KCNIP1: variants seen among roughly 807,000 people sequenced by gnomAD.
KCNIP1 encodes the protein potassium voltage-gated channel interacting protein 1.
In KCNIP1, 18 loss-of-function variants were observed where a neutral mutation model predicts 33.0. That is an observed-to-expected ratio of 0.55 (90% confidence interval 0.38 to 0.81). The LOEUF is 0.81. Ranked by LOEUF, KCNIP1 falls within the 30% of genes least tolerant of loss-of-function variation. The pLI, the probability that KCNIP1 is intolerant of heterozygous loss-of-function variation, is 0.00. For synonymous variants in KCNIP1, 93 were observed against 98.3 expected, an observed-to-expected ratio of 0.95 and a Z score of 0.32; for missense variants, 238 against 271.6, an observed-to-expected ratio of 0.88 and a Z score of 0.87.
chr5:170,550,599 GATGATGGTGATGACA>G (rs1362395402), intron 1 of KCNIP1, among the ~76,000 whole-genome samples: 2 of 151,990 alleles, frequency 1.3e-5, no homozygotes, highest in Non-Finnish European at 2.9e-5. Flanking sequence ...CAATGATGAT[GATGATGGTGATGACA>G]ATGATGGTGA....
intron 1 of KCNIP1, among the ~76,000 whole-genome samples, chr5:170,471,489 T>G (rs948715897): frequency 1.2e-4 from 18 of 152,228 alleles, no homozygotes; most frequent in African/African-American, 4.1e-4. Context: ...CTGATCCATC[T>G]CCCTTTTCAC....
chr5:170,637,084 G>T (rs1207656009), intron 1 of KCNIP1, among the ~76,000 whole-genome samples: 1 of 152,126 alleles, frequency 6.6e-6, no homozygotes, highest in Non-Finnish European at 1.5e-5. Context: ...CAGCCAATCA[G>T]CAGCCTTCCA....
chr5:170,589,403 G>T (rs1758122364), intron 1 of KCNIP1, among the ~76,000 whole-genome samples: 1 of 152,158 alleles, frequency 6.6e-6, no homozygotes, highest in Admixed American at 6.5e-5. Context: ...CAGAGTCTAT[G>T]TTAAATTAAT....
chr5:170,605,684 G>A (rs1053560133), intron 1 of KCNIP1, among the ~76,000 whole-genome samples: 2 of 151,942 alleles, frequency 1.3e-5, no homozygotes, highest in African/African-American at 4.8e-5. Context: ...TGCAATATGT[G>A]GCCTTTTGTG....
chr5:170,695,176 C>A (rs1383167861), intron 1 of KCNIP1, among the ~76,000 whole-genome samples: 1 of 152,164 alleles, frequency 6.6e-6, no homozygotes, highest in Non-Finnish European at 1.5e-5. Context: ...CCCCGGCCAC[C>A]CAACATCAGC....
chr5:170,563,025 C>T (rs987153073), intron 1 of KCNIP1, among the ~76,000 whole-genome samples: 3 of 152,156 alleles, frequency 2.0e-5, no homozygotes, highest in Non-Finnish European at 1.5e-5. Flanking sequence ...CTCACCTCCA[C>T]CCACACACAG....
At chr5:170,356,598 T>C (rs540176837) in intron 1 of KCNIP1, among the ~76,000 whole-genome samples, 6 of 152,352 alleles carry the variant, frequency 3.9e-5, no homozygotes, top group African/African-American at 1.4e-4. Context: ...CTGATCATAA[T>C]TTGTGGTCTG....
At position 170,687,752 on chromosome 5, in the gene KCNIP1, C is replaced by T. The variant is rs187424045; in HGVS notation, c.62-31006C>T. Among the ~76,000 whole-genome samples, 53 of 152,304 alleles carry T rather than the reference C, an allele frequency of 3.5e-4. 1 individual carries two copies. In the East Asian group the frequency reaches 0.01, roughly 29 times the overall value. ...AACACTGTCTTTTGCAAACTGTTAC[C>T]TTAGGAAATAGATTTTATCTCCTTA... On this transcript the variant is annotated intron_variant, in intron 1 of 7. Transcript: ENST00000328939.
At chr5:170,480,307 G>C (rs1037414128) in intron 1 of KCNIP1, among the ~76,000 whole-genome samples, 1 of 152,184 alleles carries the variant, frequency 6.6e-6, no homozygotes, top group African/African-American at 2.4e-5. Context: ...AGGCCAGCCA[G>C]CTCTGGGGTT....
intron 1 of KCNIP1, among the ~76,000 whole-genome samples, chr5:170,582,082 C>A (rs1055395344): frequency 6.6e-6 from 1 of 152,190 alleles, no homozygotes; most frequent in Non-Finnish European, 1.5e-5. Flanking sequence ...CCCTGTGACC[C>A]AAACACCTCC....
At chr5:170,390,509 AAAAAACAAATAT>A (rs60933286) in intron 1 of KCNIP1, among the ~76,000 whole-genome samples, 5,813 of 60,704 alleles carry the variant, frequency 0.096, 600 homozygotes, top group East Asian at 0.32. Context: ...TCTCAAAAAA[AAAAAACAAATAT>A]ATATATATAT....
chr5:170,435,637 G>A (rs1755845400), intron 1 of KCNIP1, among the ~76,000 whole-genome samples: 1 of 152,180 alleles, frequency 6.6e-6, no homozygotes, highest in African/African-American at 2.4e-5. Flanking sequence ...GCTTATTCCT[G>A]CCTTGTTATG....
intron 1 of KCNIP1, among the ~76,000 whole-genome samples, chr5:170,593,819 G>T (rs759188333): frequency 2.0e-5 from 3 of 152,132 alleles, no homozygotes; most frequent in Non-Finnish European, 2.9e-5. Flanking sequence ...TCAGGAAGGG[G>T]CTGGAGTTTG....
At chr5:170,597,343 T>C (rs912917543) in intron 1 of KCNIP1, among the ~76,000 whole-genome samples, 1 of 152,152 alleles carries the variant, frequency 6.6e-6, no homozygotes, top group African/African-American at 2.4e-5. Context: ...TATCAGGCCT[T>C]GTTGCAGGCT....
chr5:170,361,080 C>G (rs1763500428), intron 1 of KCNIP1, among the ~76,000 whole-genome samples: 1 of 152,254 alleles, frequency 6.6e-6, no homozygotes, highest in African/African-American at 2.4e-5. Flanking sequence ...CGCTCTCATG[C>G]TCTGCTGGGG....
At chr5:170,420,379 T>C (rs531209291) in intron 1 of KCNIP1, 10 of 152,222 alleles carry the variant, frequency 6.6e-5, no homozygotes, top group Admixed American at 5.9e-4. Context: ...CATTTTCTTT[T>C]CTCTAGCCTC....
At chr5:170,707,291 GC>G (rs905126248) in intron 1 of KCNIP1, among the ~76,000 whole-genome samples, 62 of 152,276 alleles carry the variant, frequency 4.1e-4, no homozygotes, top group African/African-American at 1.4e-3. Context: ...TTGCAGCCTG[GC>G]CATGGGCTTA....
intron 1 of KCNIP1, among the ~76,000 whole-genome samples, chr5:170,585,780 G>A (rs983762739): frequency 1.3e-5 from 2 of 152,208 alleles, no homozygotes; most frequent in African/African-American, 2.4e-5. Flanking sequence ...GCACATGACA[G>A]ATGTTCACAT....
intron 1 of KCNIP1, among the ~76,000 whole-genome samples, chr5:170,580,483 G>T (rs1382705018): frequency 6.6e-6 from 1 of 152,070 alleles, no homozygotes; most frequent in Non-Finnish European, 1.5e-5. Context: ...CAGAGTTGAG[G>T]CCCCCAAGTC....
Sources: allele counts gnomAD v4.1 joint callset (sites outside exome capture counted in the v4.1 genomes callset), GRCh38; gene constraint gnomAD v4.1.1; transcripts MANE v1.5; gene names NCBI Gene and HGNC (gene_info 2026-07-23, HGNC 2026-07-21).